The following CRACR2A variants were observed in gnomAD, a reference collection of about 807,000 sequenced individuals.
CRACR2A encodes the protein EF-hand calcium-binding domain-containing protein 4B.
In CRACR2A, 79 loss-of-function variants were observed where a neutral mutation model predicts 90.5. The ratio of observed to expected loss-of-function variants is 0.87; its 90% CI spans 0.73 to 1.05. The LOEUF is 1.05. CRACR2A is among the 50% of genes least tolerant of loss of function. The pLI is 0.00. For synonymous variants in CRACR2A, 338 were observed against 356.7 expected, an observed-to-expected ratio of 0.95 and a Z score of 0.59; for missense variants, 823 against 897.2, an observed-to-expected ratio of 0.92 and a Z score of 1.06.
intron 7 of CRACR2A, among the ~76,000 whole-genome samples, chr12:3,666,354 T>TGTGTGTGTGTGTGTGC (rs372810487): frequency 5.0e-4 from 73 of 145,048 alleles, no homozygotes; most frequent in African/African-American, 1.5e-3. Context: ...TGTGTGTGTG[T>TGTGTGTGTGTGTGTGC]GCGTGCGTGT....
Position 3,644,622 on chromosome 12 carries a change from A to C in CRACR2A, c.1137T>G (p.Leu379=), listed in dbSNP as rs1176358856. ...LDFLRERNKH[L]RDERDICFQK... Reference sequence around the variant, plus strand: ...GAAAACATATGTCCCGTTCATCCCGAAGGTGCTTGTTCCTTTCCCTGTGGA... The same window carrying C: ...GAAAACATATGTCCCGTTCATCCCGCAGGTGCTTGTTCCTTTCCCTGTGGA... Residue 379 remains leucine, a synonymous_variant, in exon 12 of 20, where the codon CTT becomes CTG. Transcript: ENST00000440314. 1.9e-6 allele frequency: 3 copies of C among 1,551,634 alleles called. No homozygotes were observed. The highest frequency in any genetic ancestry group is 2.6e-6 in the Non-Finnish European group (3 of 1,146,966).
intron 4 of CRACR2A, among the ~76,000 whole-genome samples, chr12:3,682,059 G>A (rs551827372): frequency 2.0e-5 from 3 of 152,308 alleles, no homozygotes; most frequent in South Asian, 2.1e-4. Context: ...AGGAGAACAC[G>A]GGTGAGGAGA....
intron 7 of CRACR2A, 139 bp downstream of exon 7, chr12:3,673,307 C>G: frequency 1.0e-6 from 1 of 1,000,678 alleles, no homozygotes; most frequent in South Asian, 1.6e-5. Flanking sequence ...GTGACAGACA[C>G]AGGGCCTGGT....
intron 13 of CRACR2A, chr12:3,640,591 ATC>A: frequency 7.7e-7 from 1 of 1,293,772 alleles, no homozygotes; most frequent in Admixed American, 2.3e-5. Context: ...CCCAAATTGT[ATC>A]TCATTATTCA....
chr12:3,738,842 T>C (rs1052453346), intron 1 of CRACR2A, among the ~76,000 whole-genome samples: 1 of 149,196 alleles, frequency 6.7e-6, no homozygotes, highest in African/African-American at 2.5e-5. Context: ...ACAAAGAGAG[T>C]GTCTTAAAAG....
At chr12:3,745,813 A>C (rs566543566) in intron 1 of CRACR2A, among the ~76,000 whole-genome samples, 210 of 5,378 alleles carry the variant, frequency 0.039, 1 homozygote, top group Admixed American at 0.057. Context: ...AATAAAATAA[A>C]ATAAAATAAA....
chr12:3,679,093 A>G lies in CRACR2A; in HGVS notation c.346T>C (p.Phe116Leu). ...PQEFTTGFSH[F>L]FFSQNNPSQE... is the part of the protein sequence containing the mutation. ...CTTGGGTTATTCTGGCTGAAGAAGA[A>G]GTGACCTGGGGGGTGCAGGGCACAA... Residue 116 changes from phenylalanine to leucine, a missense_variant, in exon 6 of 20, where the codon TTC becomes CTC. Physicochemically the swap from Phe to Leu is conservative, Grantham distance 22. Transcript: ENST00000440314. 1 of 1,612,298 alleles carries G rather than the reference A, an allele frequency of 6.2e-7. No individual in the cohort carries two copies. The highest frequency in any genetic ancestry group is 8.5e-7 in the Non-Finnish European group (1 of 1,179,220).
intron 5 of CRACR2A, among the ~76,000 whole-genome samples, chr12:3,679,897 G>A (rs1945414376): frequency 1.3e-5 from 2 of 152,192 alleles, no homozygotes; most frequent in South Asian, 4.1e-4. Context: ...ATTTTTCTAT[G>A]AAGGCAGAAA....
chr12:3,627,238 C>A (rs1315546787), intron 17 of CRACR2A, among the ~76,000 whole-genome samples, 198 bp downstream of exon 17: 1 of 152,228 alleles, frequency 6.6e-6, no homozygotes, highest in Non-Finnish European at 1.5e-5. Context: ...GTCTTGTTCA[C>A]TTCTGGGTCC....
rs1946136913 is a variant in CRACR2A, at chr12:3,720,226, AAAG to A, written c.-117-6912_-117-6910del. Among the ~76,000 whole-genome samples, 3 of 89,632 alleles carry A rather than the reference AAAG, an allele frequency of 3.3e-5. No individual in the cohort carries two copies. The South Asian group carries it at 1.2e-3, about 35-fold the overall frequency. The allele number at this position is 89,632 out of a possible 152,430, so 58.8% of individuals were successfully genotyped here. On this transcript the variant is annotated intron_variant, in intron 2 of 19. Coordinates refer to ENST00000440314, the MANE Select transcript of CRACR2A (RefSeq NM_001144958.2). ...GGGAGGGAGAGAGAAGAAGAAAGAA[AAAG>A]AAAGAAAGAAAGAAAGAAAGAAAGA...
At chr12:3,626,746 A>G (rs1044682685) in intron 17 of CRACR2A, among the ~76,000 whole-genome samples, 27 of 152,228 alleles carry the variant, frequency 1.8e-4, no homozygotes, top group African/African-American at 6.0e-4. Flanking sequence ...AGAAGCCTGC[A>G]CTGGGGTGGT....
intron 2 of CRACR2A, among the ~76,000 whole-genome samples, chr12:3,714,220 C>T (rs1161918563): frequency 6.6e-6 from 1 of 152,166 alleles, no homozygotes; most frequent in African/African-American, 2.4e-5. Context: ...TGTGCAGGCA[C>T]TTTTTTTAGG....
rs560225896 is a variant in CRACR2A at position 3,679,404 on chromosome 12, T to C, written c.341-306A>G. Among the ~76,000 whole-genome samples the C allele has an allele frequency of 3.3e-5, 5 of 152,174 alleles. No individual in the cohort carries two copies. In the South Asian group the frequency reaches 6.2e-4, roughly 19 times the overall value. The stretch of plus-strand genomic sequence containing the variant: ...TGGCTTAGAACGCATCTCCGTTGAT[T>C]TCTTCTTTAAGCAACAAGGCCTTTC... On this transcript the variant is annotated intron_variant, in intron 5 of 19. Transcript: ENST00000440314.
rs1946005198 is a variant in CRACR2A at position 3,711,480 on chromosome 12, C to A, written c.-37+1757G>T. Among the ~76,000 whole-genome samples, 1 of 152,248 alleles carries A rather than the reference C, an allele frequency of 6.6e-6. No individual in the cohort carries two copies. The highest frequency in any genetic ancestry group is 6.5e-5 in the Admixed American group (1 of 15,286). ...CACAACTTAGCCAAGTTCTTTGCCACTTTATAACAAGACTGGCCTTTCCTC... is the reference window on the plus strand; with the variant it reads ...CACAACTTAGCCAAGTTCTTTGCCAATTTATAACAAGACTGGCCTTTCCTC... On this transcript the variant is annotated intron_variant, in intron 3 of 19. Coordinates refer to ENST00000440314, the MANE Select transcript of CRACR2A (RefSeq NM_001144958.2). This position sits in a 1 kb window ranked among gnomAD's most constrained non-coding sequence, Gnocchi z 4.3.
chr12:3,712,417 T>C (rs751288425), intron 3 of CRACR2A, among the ~76,000 whole-genome samples: 12 of 152,310 alleles, frequency 7.9e-5, no homozygotes, highest in Middle Eastern at 3.4e-3. Flanking sequence ...CAGGGAGCTC[T>C]TACTCATGGC....
intron 7 of CRACR2A, among the ~76,000 whole-genome samples, chr12:3,666,354 TGC>T (rs1421875304): frequency 0.14 from 20,837 of 144,620 alleles, 1,832 homozygotes; most frequent in East Asian, 0.37. Context: ...TGTGTGTGTG[TGC>T]GTGCGTGTGC....
intron 5 of CRACR2A, 62 bp from the exon 6 acceptor site, chr12:3,679,160 T>G: frequency 6.9e-7 from 1 of 1,441,070 alleles, no homozygotes. Flanking sequence ...GAGCTCAGCT[T>G]TCTCACCTGC....
chr12:3,671,310 G>A (rs1945238130), intron 7 of CRACR2A, among the ~76,000 whole-genome samples: 1 of 152,178 alleles, frequency 6.6e-6, no homozygotes, highest in Admixed American at 6.5e-5. Context: ...TCCTCCAGGT[G>A]ATCAGTGCTG....
At chr12:3,679,157 G>T (rs149749643) in intron 5 of CRACR2A, 59 bp from the exon 6 acceptor site, 15 of 1,457,788 alleles carry the variant, frequency 1.0e-5, no homozygotes, top group Non-Finnish European at 1.3e-5. Flanking sequence ...GAAGAGCTCA[G>T]CTTTCTCACC....
Sources: gnomAD v4.1 joint callset for allele counts (sites outside exome capture counted in the v4.1 genomes callset) on GRCh38, gnomAD v4.1.1 for gene constraint, Gnocchi (gnomAD v3.1) non-coding constraint, MANE v1.5 for transcripts, NCBI Gene and HGNC (gene_info 2026-07-23, HGNC 2026-07-21) for gene names.